Variants in KIAA1549 observed in about 807,000 individuals in gnomAD.
KIAA1549 encodes the protein KIAA1549.
A neutral mutation model predicts 156.4 loss-of-function variants in KIAA1549; 70 were observed. The observed-to-expected ratio is 0.45, with a 90% CI of 0.37 to 0.55. KIAA1549 has a LOEUF of 0.55. Ranked by LOEUF, KIAA1549 falls within the 20% of genes least tolerant of loss-of-function variation. The pLI is 0.00. For synonymous variants in KIAA1549, 1,103 were observed against 1,066.4 expected (o/e 1.03, Z -0.67); for missense variants, 2,428 against 2,540.9 (o/e 0.96, Z 0.96).
intron 1 of KIAA1549, among the ~76,000 whole-genome samples, chr7:138,962,708 G>A (rs1813890891): frequency 6.6e-6 from 1 of 152,152 alleles, no homozygotes. Flanking sequence ...GTTTCATGGA[G>A]CAGAATTATC....
chr7:138,849,195 T>C (rs1414120658), intron 17 of KIAA1549, among the ~76,000 whole-genome samples: 1 of 152,090 alleles, frequency 6.6e-6, no homozygotes, highest in Non-Finnish European at 1.5e-5. Flanking sequence ...TAAGAACAAA[T>C]TTTTGGTTTT....
chr7:138,977,093 C>A (rs1311330834), intron 1 of KIAA1549, among the ~76,000 whole-genome samples: 1 of 151,938 alleles, frequency 6.6e-6, no homozygotes, highest in African/African-American at 2.4e-5. Flanking sequence ...AGCATAAATG[C>A]AATAAAAAAA....
At chr7:138,911,376 C>A in intron 3 of KIAA1549, 53 bp from the exon 4 acceptor site, 1 of 1,332,394 alleles carries the variant, frequency 7.5e-7, no homozygotes, top group Admixed American at 2.9e-5. Context: ...AGTTGTGTTA[C>A]ACAGAAAAAT....
At chr7:138,960,815 A>G (rs1813822761) in intron 1 of KIAA1549, among the ~76,000 whole-genome samples, 1 of 152,190 alleles carries the variant, frequency 6.6e-6, no homozygotes, top group Non-Finnish European at 1.5e-5. Flanking sequence ...TAGGACTAGA[A>G]ACACAAGCGG....
At chr7:138,890,793 T>C (rs1811524250) in intron 10 of KIAA1549, among the ~76,000 whole-genome samples, 1 of 152,262 alleles carries the variant, frequency 6.6e-6, no homozygotes, top group Non-Finnish European at 1.5e-5. Context: ...AAAGCAAATG[T>C]GTTCAAGCTG....
At chr7:138,884,637 C>T (rs1014080710) in intron 10 of KIAA1549, among the ~76,000 whole-genome samples, 1 of 152,152 alleles carries the variant, frequency 6.6e-6, no homozygotes, top group African/African-American at 2.4e-5. Context: ...TTAATTAACC[C>T]GGTATAATGT....
chr7:138,903,921 G>C (rs145642249), intron 7 of KIAA1549, among the ~76,000 whole-genome samples, 185 bp from the exon 8 acceptor site: 209 of 151,696 alleles, frequency 1.4e-3, no homozygotes, highest in Middle Eastern at 6.8e-3. Flanking sequence ...CCAATTCCTA[G>C]ACAGAAAACA....
chr7:138,895,958 T>TGCTGCCACACCCACCCCACCCG, intron 9 of KIAA1549, among the ~76,000 whole-genome samples: 1 of 151,770 alleles, frequency 6.6e-6, no homozygotes, highest in Non-Finnish European at 1.5e-5. Flanking sequence ...CTCCCCACCC[T>TGCTGCCACACCCACCCCACCCG]GCTGCCACAC....
intron 17 of KIAA1549, among the ~76,000 whole-genome samples, chr7:138,849,833 C>A (rs952698659): frequency 6.6e-6 from 1 of 152,268 alleles, no homozygotes; most frequent in East Asian, 1.9e-4. Context: ...TCTGTTCCTG[C>A]ATTAGTTTGC....
At chr7:138,862,161 C>T (rs1810603985) in intron 15 of KIAA1549, among the ~76,000 whole-genome samples, 1 of 151,916 alleles carries the variant, frequency 6.6e-6, no homozygotes, top group Non-Finnish European at 1.5e-5. Flanking sequence ...TCTGACATAC[C>T]CTTAAAAGAT....
intron 10 of KIAA1549, among the ~76,000 whole-genome samples, chr7:138,892,774 A>G (rs898536781): frequency 6.6e-6 from 1 of 152,200 alleles, no homozygotes; most frequent in African/African-American, 2.4e-5. Context: ...TTTCCATTCG[A>G]CAGGTCTAGG....
At position 138,838,105 on chromosome 7, in the gene KIAA1549, C is replaced by T. The variant is rs777312383; in HGVS notation, c.5654G>A (p.Arg1885Lys). Residue 1885 changes from arginine (R) to lysine (K), a missense_variant, in exon 20 of 20, where the codon AGG becomes AAG. By Grantham distance (26) the Arg-to-Lys change is conservative. Around this residue, in one of 5 missense-constraint regions of KIAA1549, gnomAD observed 363 missense variants for 354.0 expected, o/e 1.03. Transcript: ENST00000422774. ...YSSSPLFQVP[R>K]TSGREPSAPS... ...AGCTGAGGGCTCCCTGCCTGAAGTC[C>T]TTGGCACCTGAAATAGCGGTGAAGA... The T allele has an allele frequency of 6.4e-7, 1 of 1,554,308 alleles. No homozygotes were observed. The highest frequency in any genetic ancestry group is 8.7e-7 in the Non-Finnish European group (1 of 1,154,700).
At chr7:138,977,850 C>T (rs937067150) in intron 1 of KIAA1549, among the ~76,000 whole-genome samples, 1 of 152,176 alleles carries the variant, frequency 6.6e-6, no homozygotes, top group Admixed American at 6.5e-5. Flanking sequence ...CAGGCACATG[C>T]CACCACACCC....
chr7:138,837,313 A>AT lies in KIAA1549; in HGVS notation c.*592dup, dbSNP rs1809740932. The AT allele has an allele frequency of 4.4e-6, 1 of 228,484 alleles. No homozygotes were observed. The highest frequency in any genetic ancestry group is 2.2e-5 in the African/African-American group (1 of 45,182). The allele number at this position is 228,484 out of a possible 1,614,324, so 14.2% of individuals were successfully genotyped here. On this transcript the variant is annotated 3_prime_UTR_variant, in exon 20 of 20. Coordinates refer to ENST00000422774, the MANE Select transcript of KIAA1549 (RefSeq NM_001164665.2). ...AGAAGAAGGAGGAAGAATGCGGGTG[A>AT]TGGCTTTGTTTGGAGTCATCAGGCT...
chr7:138,860,894 A>C (rs1042428191), intron 16 of KIAA1549, among the ~76,000 whole-genome samples: 3 of 152,206 alleles, frequency 2.0e-5, no homozygotes, highest in Non-Finnish European at 4.4e-5. Flanking sequence ...CCACAAAGCA[A>C]AAGTCCTCCT....
At chr7:138,933,740 C>A (rs979930734) in intron 1 of KIAA1549, among the ~76,000 whole-genome samples, 69 of 152,276 alleles carry the variant, frequency 4.5e-4, no homozygotes, top group African/African-American at 1.5e-3. Flanking sequence ...CCGGGGCAGG[C>A]GGATCACCTG....
Position 138,838,035 on chromosome 7 carries a change from C to A in KIAA1549, c.5724G>T (p.Leu1908=). The change falls in exon 20 of 20, where the codon CTG becomes CTT. Residue 1908 remains leucine (L), a synonymous_variant. Transcript: ENST00000422774. ...LPHRGLQGPG[L]GYPTSSTEDL... Reference sequence around the variant, plus strand: ...CTTCCGTGGAGCTGGTGGGGTAACCCAGCCCAGGGCCCTGCAGTCCCCGGT... The same window carrying A: ...CTTCCGTGGAGCTGGTGGGGTAACCAAGCCCAGGGCCCTGCAGTCCCCGGT... 1 of 1,606,140 alleles carries A rather than the reference C, an allele frequency of 6.2e-7. No individual in the cohort carries two copies. Among genetic ancestry groups the A allele is most frequent in the East Asian group, 2.2e-5 (1 of 44,600 alleles).
chr7:138,888,869 T>C (rs1235503617), intron 10 of KIAA1549, among the ~76,000 whole-genome samples: 1 of 152,216 alleles, frequency 6.6e-6, no homozygotes, highest in African/African-American at 2.4e-5. Context: ...TGTCAAGCCT[T>C]TTTCAGATGC....
intron 9 of KIAA1549, among the ~76,000 whole-genome samples, chr7:138,895,425 T>C (rs1328681622): frequency 6.6e-6 from 1 of 152,170 alleles, no homozygotes; most frequent in African/African-American, 2.4e-5. Context: ...AGTATAGCCA[T>C]ACAATGGAAT....
Sources: allele counts gnomAD v4.1 joint callset (sites outside exome capture counted in the v4.1 genomes callset), GRCh38; gene constraint gnomAD v4.1.1; regional missense constraint gnomAD v4.1.1; transcripts MANE v1.5; gene names NCBI Gene and HGNC (gene_info 2026-07-23, HGNC 2026-07-21).